UBE2H: variants seen among roughly 807,000 people sequenced by gnomAD.
The protein encoded by UBE2H is ubiquitin conjugating enzyme E2 H.
Under a neutral mutation model 29.0 loss-of-function variants are expected in UBE2H, and 3 were observed. The observed-to-expected ratio is 0.10, with a 90% confidence interval of 0.05 to 0.27. The LOEUF (loss-of-function observed/expected upper bound fraction) is 0.27. Ranked by LOEUF, UBE2H falls within the 10% of genes least tolerant of loss-of-function variation. The pLI is 1.00. For missense variants in UBE2H, 68 were observed against 228.2 expected (o/e 0.30, Z 4.52); for synonymous variants, 69 against 82.9 (o/e 0.83, Z 0.91).
chr7:129,907,716 T>C (rs1009949442), intron 1 of UBE2H, among the ~76,000 whole-genome samples: 1 of 151,550 alleles, frequency 6.6e-6, no homozygotes, highest in Non-Finnish European at 1.5e-5. Flanking sequence ...TGACGAGGTA[T>C]ACATGTGTCA....
chr7:129,892,601 A>G (rs76111508), intron 1 of UBE2H, among the ~76,000 whole-genome samples: 7,511 of 152,278 alleles, frequency 0.049, 209 homozygotes, highest in South Asian at 0.13. Flanking sequence ...AATAGTTGCT[A>G]TACTGTACTA....
Position 129,938,442 on chromosome 7 carries a change from G to A in UBE2H, c.53+14061C>T, listed in dbSNP as rs1215610529. Among the ~76,000 whole-genome samples, 223 of 50,754 alleles carry A rather than the reference G, an allele frequency of 4.4e-3. 1 individual carries two copies. Among genetic ancestry groups the A allele is most frequent in the East Asian group, 6.1e-3 (6 of 986 alleles). 33.3% of individuals were successfully genotyped at this position (50,754 alleles called of 152,430 possible). ...AAAAAAAAAAAAAAAAAAAAAAAAA[G>A]GCTGGCTCATGCTTGCAATCCCAGC... On this transcript the variant is annotated intron_variant, in intron 1 of 6. Coordinates refer to ENST00000355621, the MANE Select transcript of UBE2H (RefSeq NM_003344.4).
At chr7:129,878,615 G>A (rs951410487) in intron 3 of UBE2H, among the ~76,000 whole-genome samples, 12 of 148,924 alleles carry the variant, frequency 8.1e-5, no homozygotes, top group African/African-American at 1.5e-4. Context: ...CCCAGGAGGC[G>A]GACCTTGCAG....
chr7:129,924,099 T>C (rs1807217265), intron 1 of UBE2H, among the ~76,000 whole-genome samples: 1 of 152,226 alleles, frequency 6.6e-6, no homozygotes, highest in Non-Finnish European at 1.5e-5. Context: ...AGGATGGGCA[T>C]GGTGGTTCAC....
chr7:129,942,997 C>A (rs537642950), intron 1 of UBE2H, among the ~76,000 whole-genome samples: 1 of 152,186 alleles, frequency 6.6e-6, no homozygotes, highest in South Asian at 2.1e-4. Flanking sequence ...TGTGCACCAC[C>A]ACACCCAGCT....
chr7:129,891,953 C>CTT lies in UBE2H; in HGVS notation c.54-10984_54-10983dup, dbSNP rs753851134. Among the ~76,000 whole-genome samples the CTT allele has an allele frequency of 4.5e-3, 568 of 127,104 alleles. 8 individuals are homozygous for CTT. The highest frequency in any genetic ancestry group is 0.014 in the African/African-American group (478 of 34,588). The allele number at this position is 127,104 out of a possible 152,430, so 83.4% of individuals were successfully genotyped here. On this transcript the variant is annotated intron_variant, in intron 1 of 6. Coordinates refer to ENST00000355621, the MANE Select transcript of UBE2H (RefSeq NM_003344.4). The stretch of plus-strand genomic sequence containing the variant: ...AGAATACTAAAAAAACATGCTACAC[C>CTT]TTTTTTTTTTTTTTTTTGAGACGGA...
At chr7:129,943,225 G>A (rs1280231104) in intron 1 of UBE2H, among the ~76,000 whole-genome samples, 2 of 152,128 alleles carry the variant, frequency 1.3e-5, no homozygotes, top group Non-Finnish European at 2.9e-5. Context: ...CTGGACTGCA[G>A]TGGCATGATC....
At chr7:129,903,105 T>C (rs1806750001) in intron 1 of UBE2H, among the ~76,000 whole-genome samples, 1 of 152,190 alleles carries the variant, frequency 6.6e-6, no homozygotes, top group African/African-American at 2.4e-5. Flanking sequence ...GCACAGAATG[T>C]GTGAGAGCAA....
chr7:129,942,664 G>T (rs1807671582), intron 1 of UBE2H, among the ~76,000 whole-genome samples: 1 of 152,048 alleles, frequency 6.6e-6, no homozygotes. Flanking sequence ...TTTATCAACT[G>T]CTGTAAACTT....
chr7:129,925,743 C>T (rs533645765), intron 1 of UBE2H, among the ~76,000 whole-genome samples: 1 of 152,272 alleles, frequency 6.6e-6, no homozygotes, highest in East Asian at 1.9e-4. Context: ...TCTGCCTATT[C>T]ACCCCTTTCT....
At chr7:129,869,039 T>A (rs1181654546) in intron 3 of UBE2H, among the ~76,000 whole-genome samples, 3 of 151,204 alleles carry the variant, frequency 2.0e-5, no homozygotes, top group African/African-American at 7.3e-5. Flanking sequence ...GGGGTTCAAG[T>A]GATTCTCCTG....
At chr7:129,856,466 CA>C (rs1443930633) in intron 5 of UBE2H, among the ~76,000 whole-genome samples, 7 of 151,732 alleles carry the variant, frequency 4.6e-5, no homozygotes, top group Non-Finnish European at 2.9e-5. Flanking sequence ...TCTAGTAGCA[CA>C]AAAAAATAGG....
chr7:129,882,180 A>G (rs562966336), intron 1 of UBE2H, among the ~76,000 whole-genome samples: 1 of 152,306 alleles, frequency 6.6e-6, no homozygotes, highest in African/African-American at 2.4e-5. Context: ...ATTAGAAGAG[A>G]GGACTACTCG....
intron 1 of UBE2H, among the ~76,000 whole-genome samples, chr7:129,948,643 G>A (rs915043228): frequency 2.6e-5 from 4 of 152,078 alleles, no homozygotes; most frequent in African/African-American, 7.2e-5. Flanking sequence ...GTCAGACCTC[G>A]GTCTCTACAA....
chr7:129,915,264 C>T (rs1192825107), intron 1 of UBE2H, among the ~76,000 whole-genome samples: 2 of 152,140 alleles, frequency 1.3e-5, no homozygotes, highest in African/African-American at 2.4e-5. Flanking sequence ...CAGCCGGGCG[C>T]GGTGTCTCAC....
At chr7:129,851,573 A>C (rs1342584443) in intron 5 of UBE2H, among the ~76,000 whole-genome samples, 1 of 152,244 alleles carries the variant, frequency 6.6e-6, no homozygotes, top group Non-Finnish European at 1.5e-5. Flanking sequence ...AGATAAAACA[A>C]ATCAAGGTTA....
chr7:129,900,695 G>A (rs375310624), intron 1 of UBE2H, among the ~76,000 whole-genome samples: 6 of 150,920 alleles, frequency 4.0e-5, no homozygotes, highest in African/African-American at 1.5e-4. Context: ...ACGTATACAT[G>A]TAAATATTAT....
At chr7:129,840,231 G>C (rs184230176) in intron 5 of UBE2H, among the ~76,000 whole-genome samples, 1 of 151,992 alleles carries the variant, frequency 6.6e-6, no homozygotes, top group Non-Finnish European at 1.5e-5. Flanking sequence ...TGTTGCCCAA[G>C]TTGGAGTGCA....
At chr7:129,897,217 T>C (rs138296341) in intron 1 of UBE2H, among the ~76,000 whole-genome samples, 2 of 152,294 alleles carry the variant, frequency 1.3e-5, no homozygotes, top group East Asian at 3.9e-4. Flanking sequence ...ACTTCTATAA[T>C]ATAATCTCAA....
Sources: gnomAD v4.1 joint callset for allele counts (sites outside exome capture counted in the v4.1 genomes callset) on GRCh38, gnomAD v4.1.1 for gene constraint, MANE v1.5 for transcripts, NCBI Gene and HGNC (gene_info 2026-07-23, HGNC 2026-07-21) for gene names.